Variants in SRRM2 observed in about 807,000 individuals in gnomAD.
SRRM2 encodes serine/arginine repetitive matrix protein 2.
SRRM2 carries 30 observed loss-of-function variants against 213.8 expected under a neutral mutation model. The observed-to-expected ratio is 0.14, with a 90% CI of 0.10 to 0.19. The LOEUF (loss-of-function observed/expected upper bound fraction) is 0.19. SRRM2 is among the 10% of genes least tolerant of loss of function. The pLI is 1.00. For missense variants in SRRM2, 4,904 were observed against 3,647.0 expected (o/e 1.34, Z -8.88); for synonymous variants, 2,025 against 1,377.7 (o/e 1.47, Z -10.40).
intron 13 of SRRM2, 66 bp from the exon 14 acceptor site, chr16:2,770,538 C>A (rs569388778): frequency 1.9e-6 from 3 of 1,554,772 alleles, no homozygotes; most frequent in Non-Finnish European, 2.6e-6. Flanking sequence ...GAAAGCTTTG[C>A]GGTTGTGGCT....
Position 2,766,095 on chromosome 16 carries a change from C to T in SRRM2, c.5567C>T (p.Thr1856Ile), listed in dbSNP as rs773878046. The change falls in exon 11 of 15, where the codon ACA becomes ATA. Residue 1856 changes from threonine (T) to isoleucine (I), a missense_variant. Coordinates refer to ENST00000301740, the MANE Select transcript of SRRM2 (RefSeq NM_016333.4). This position sits in a 1 kb window ranked among gnomAD's most constrained non-coding sequence, Gnocchi z 7.0. ...AGTCGGAAGCGTTCTCGCTCACGCACATCACCAGCCCCGTGGAAACGCTCT... is the reference window on the plus strand; with the variant it reads ...AGTCGGAAGCGTTCTCGCTCACGCATATCACCAGCCCCGTGGAAACGCTCT... ...PTSRKRSRSR[T>I]SPAPWKRSRS... 21 of 1,614,182 alleles carry T rather than the reference C, an allele frequency of 1.3e-5. No individual in the cohort carries two copies. The highest frequency in any genetic ancestry group is 4.4e-5 in the South Asian group (4 of 91,092).
At position 2,753,909 on chromosome 16, in the gene SRRM2, C is replaced by CAAA. The variant is rs143414078; in HGVS notation, c.-32+1063_-32+1064insAAA. Among the ~76,000 whole-genome samples the CAAA allele has an allele frequency of 8.8e-3, 1,342 of 152,236 alleles. 19 individuals are homozygous for CAAA. The highest frequency in any genetic ancestry group is 0.03 in the African/African-American group (1,243 of 41,530). On this transcript the variant is annotated intron_variant, in intron 1 of 14. Coordinates refer to ENST00000301740, the MANE Select transcript of SRRM2 (RefSeq NM_016333.4). ...GACAACCCTTGTCTCCCCTTTTTCT[C>CAAA]CCCTTTTGGTACCGTTTTCTTTTTT...
At position 2,770,435 on chromosome 16, in the gene SRRM2, C is replaced by A; in HGVS notation, c.8105C>A (p.Ser2702Ter). The A allele has an allele frequency of 6.2e-7, 1 of 1,610,194 alleles. No homozygotes were observed. The highest frequency in any genetic ancestry group is 8.5e-7 in the Non-Finnish European group (1 of 1,178,496). ...TCGCCTGTGGAGCGTCGCCGTCCCT[C>A]GCCCCAGCCCTCACCACGGGACCAG... ...SYSPVERRRP[S>*]PQPSPRDQQS... The change falls in exon 13 of 15, where the codon TCG becomes TAG. Residue 2702 changes from serine to a stop codon, truncating the protein, a stop_gained. Transcript: ENST00000301740. LOFTEE classifies it high-confidence loss of function.
rs772948423 is a variant in SRRM2, at chr16:2,757,777, C to CT, written c.351-3dup. On this transcript the variant is annotated splice_region_variant and splice_polypyrimidine_tract_variant and intron_variant, in intron 3 of 14. Transcript: ENST00000301740. ...CTTCAGACTTTTGCCCTTCTTTTCT[C>CT]TAGGGTCACGGAGACTCACCAGTTG... 2.5e-6 allele frequency: 4 copies of CT among 1,613,236 alleles called. No homozygotes were observed. The African/African-American group carries it at 5.3e-5, about 22-fold the overall frequency.
chr16:2,754,097 C>T (rs528425385), intron 1 of SRRM2, among the ~76,000 whole-genome samples: 7 of 152,250 alleles, frequency 4.6e-5, no homozygotes, highest in African/African-American at 1.2e-4. Flanking sequence ...ATGGCCCCCA[C>T]TTTAAGAGTT....
chr16:2,766,788 G>C lies in SRRM2; in HGVS notation c.6260G>C (p.Arg2087Pro), dbSNP rs200846532. 2 of 1,614,172 alleles carry C rather than the reference G, an allele frequency of 1.2e-6. No individual in the cohort carries two copies. Among genetic ancestry groups the C allele is most frequent in the Middle Eastern group, 3.3e-4 (2 of 6,062 alleles). The change falls in exon 11 of 15, where the codon CGT becomes CCT. Residue 2087 changes from arginine to proline, a missense_variant. Arg to Pro is a moderately radical substitution (Grantham distance 103, BLOSUM62 -2). Transcript: ENST00000301740. This position sits in a 1 kb window ranked among gnomAD's most constrained non-coding sequence, Gnocchi z 7.0. The stretch of plus-strand genomic sequence containing the variant: ...TCTGCATCTGGAAGTAGTTCTGATC[G>C]TTCACGATCTGCTACTCCTCCAGCA... Reference protein sequence around the residue: ...RRSASGSSSDRSRSATPPATR... With the variant: ...RRSASGSSSDPSRSATPPATR...
chr16:2,756,562 C>G lies in SRRM2; in HGVS notation c.198C>G (p.Val66=), dbSNP rs371298816. ...TGGACCACGAGCGCAAGCGGCGCGT[C>G]GAGCTGCGATGCCTCGAGCTGGAGG... is the stretch of plus-strand genomic sequence containing the variant. The part of the protein sequence containing the change: ...DILDHERKRR[V]ELRCLELEEM... The change falls in exon 2 of 15, where the codon GTC becomes GTG. Residue 66 remains valine (V), a synonymous_variant. Coordinates refer to ENST00000301740, the MANE Select transcript of SRRM2 (RefSeq NM_016333.4). The G allele has an allele frequency of 1.9e-6, 3 of 1,613,956 alleles. No individual in the cohort carries two copies. The highest frequency in any genetic ancestry group is 2.5e-6 in the Non-Finnish European group (3 of 1,179,954).
rs1264249287 is a variant in SRRM2 at position 2,763,876 on chromosome 16, A to G, written c.3348A>G (p.Gln1116=). The G allele has an allele frequency of 1.2e-6, 2 of 1,614,074 alleles. No individual in the cohort carries two copies. The highest frequency in any genetic ancestry group is 1.1e-5 in the South Asian group (1 of 91,084). ...TELASRSPIR[Q]DRGEFSASPM... ...TGGCATCCAGATCTCCAATAAGACA[A>G]GATAGAGGTGAGTTCTCAGCGAGTC... Residue 1116 remains glutamine (Q), a synonymous_variant, in exon 11 of 15, where the codon CAA becomes CAG. Transcript: ENST00000301740.
At chr16:2,770,179 G>A in intron 12 of SRRM2, 173 bp from the exon 13 acceptor site, 1 of 1,442,516 alleles carries the variant, frequency 6.9e-7, no homozygotes, top group Non-Finnish European at 9.1e-7. Context: ...CTGCCCACTG[G>A]GCACTCGGTG....
Position 2,760,284 on chromosome 16 carries a change from T to G in SRRM2, c.834-17T>G, listed in dbSNP as rs1429389483. On this transcript the variant is annotated splice_polypyrimidine_tract_variant and intron_variant, in intron 9 of 14. Coordinates refer to ENST00000301740, the MANE Select transcript of SRRM2 (RefSeq NM_016333.4). ...CTGATTTCCTTCCTCTCCCACGTCC[T>G]CAATTAACTCCTGCAGGTCTCGAAG... is the stretch of plus-strand genomic sequence containing the variant. The G allele has an allele frequency of 1.9e-6, 3 of 1,609,818 alleles. No homozygotes were observed. Among genetic ancestry groups the G allele is most frequent in the Admixed American group, 3.3e-5 (2 of 59,806 alleles).
At chr16:2,756,657 G>A (rs1252248712) in intron 2 of SRRM2, 51 bp downstream of exon 2, 1 of 1,559,502 alleles carries the variant, frequency 6.4e-7, no homozygotes, top group Non-Finnish European at 8.7e-7. Flanking sequence ...CAGAGCTGGG[G>A]GTGTTAGGTG....
chr16:2,753,191 G>A (rs1389922787), intron 1 of SRRM2, among the ~76,000 whole-genome samples: 1 of 151,066 alleles, frequency 6.6e-6, no homozygotes, highest in African/African-American at 2.4e-5. Context: ...TGCCGTTTTC[G>A]GCCCTTAAGT....
rs977625212 is a variant in SRRM2 at position 2,767,956 on chromosome 16, C to T, written c.7428C>T (p.Ser2476=). 5 of 1,614,066 alleles carry T rather than the reference C, an allele frequency of 3.1e-6. No individual in the cohort carries two copies. The highest frequency in any genetic ancestry group is 1.3e-5 in the African/African-American group (1 of 74,906). ...CTGTAGCAGGGTCTCAGTCCCTTTC[C>T]TCTGGGGCAGTGGCAACGACCACGT... The part of the protein sequence containing the change: ...TTPVAGSQSL[S]SGAVATTTSS... The change falls in exon 11 of 15, where the codon TCC becomes TCT. Residue 2476 remains serine (S), a synonymous_variant. Coordinates refer to ENST00000301740, the MANE Select transcript of SRRM2 (RefSeq NM_016333.4).
chr16:2,761,158 A>C lies in SRRM2; in HGVS notation c.1033-403A>C, dbSNP rs145354322. Among the ~76,000 whole-genome samples the C allele has an allele frequency of 7.6e-4, 115 of 152,274 alleles. 1 individual carries two copies. The highest frequency in any genetic ancestry group is 2.6e-3 in the African/African-American group (109 of 41,552). On this transcript the variant is annotated intron_variant, in intron 10 of 14. Coordinates refer to ENST00000301740, the MANE Select transcript of SRRM2 (RefSeq NM_016333.4). ...GGCTGCTTTTTTACTCTTCACACAAATCATGTTCTCACATCTTTATTCATG... is the reference window on the plus strand; with the variant it reads ...GGCTGCTTTTTTACTCTTCACACAACTCATGTTCTCACATCTTTATTCATG...
rs1596283177 is a variant in SRRM2, at chr16:2,764,726, C to G, written c.4198C>G (p.Gln1400Glu). 1.2e-6 allele frequency: 2 copies of G among 1,614,034 alleles called. No individual in the cohort carries two copies. The highest frequency in any genetic ancestry group is 2.2e-5 in the East Asian group (1 of 44,902). Residue 1400 changes from glutamine (Q) to glutamate (E), a missense_variant, in exon 11 of 15, where the codon CAG becomes GAG. Coordinates refer to ENST00000301740, the MANE Select transcript of SRRM2 (RefSeq NM_016333.4). ...GGAAAAGGCAGGGATGTCTTCAAAT[C>G]AGAGCATCTCTTCACCTGTGCTTGA... ...AVEKAGMSSN[Q>E]SISSPVLDAV...
rs1335688609 is a variant in SRRM2, at chr16:2,762,798, G to C, written c.2270G>C (p.Arg757Thr). 6.2e-7 allele frequency: 1 copy of C among 1,614,130 alleles called. No individual in the cohort carries two copies. Among genetic ancestry groups the C allele is most frequent in the South Asian group, 1.1e-5 (1 of 91,064 alleles). Reference protein sequence around the residue: ...PEMKKSRISSRRSRSLSSPRS... With the variant: ...PEMKKSRISSTRSRSLSSPRS... The stretch of plus-strand genomic sequence containing the variant: ...ATGAAGAAATCTCGCATTTCTTCAA[G>C]GCGGAGCAGGTCTCTCTCTTCACCA... The change falls in exon 11 of 15, where the codon AGG becomes ACG. Residue 757 changes from arginine (R) to threonine (T), a missense_variant. Transcript: ENST00000301740.
rs2068569197 is a variant in SRRM2 at position 2,766,990 on chromosome 16, C to G, written c.6462C>G (p.Gly2154=). Reference sequence around the variant, plus strand: ...TGTCTGTCCTGCAGCAAGCCGGCGGCTCCATGATGGATGGTCCAGGTCCCC... The same window carrying G: ...TGTCTGTCCTGCAGCAAGCCGGCGGGTCCATGATGGATGGTCCAGGTCCCC... ...TPMSVLQQAG[G]SMMDGPGPRI... The change falls in exon 11 of 15, where the codon GGC becomes GGG. Residue 2154 remains glycine (G), a synonymous_variant. Transcript: ENST00000301740. This position sits in a 1 kb window ranked among gnomAD's most constrained non-coding sequence, Gnocchi z 7.0. 2 of 1,614,074 alleles carry G rather than the reference C, an allele frequency of 1.2e-6. No homozygotes were observed. Among genetic ancestry groups the G allele is most frequent in the Non-Finnish European group, 1.7e-6 (2 of 1,180,058 alleles).
chr16:2,764,281 A>G lies in SRRM2; in HGVS notation c.3753A>G (p.Gln1251=), dbSNP rs1239910756. ...AGAAGTCTGAAGAACCCGCAGGCCA[A>G]ATCCTGTCTCATTTGTCTTCAGAAC... ...VVEKSEEPAG[Q]ILSHLSSELK... Residue 1251 remains glutamine (Q), a synonymous_variant, in exon 11 of 15, where the codon CAA becomes CAG. Coordinates refer to ENST00000301740, the MANE Select transcript of SRRM2 (RefSeq NM_016333.4). 3.1e-6 allele frequency: 5 copies of G among 1,613,974 alleles called. No individual in the cohort carries two copies. The highest frequency in any genetic ancestry group is 2.7e-5 in the African/African-American group (2 of 74,926).
At position 2,752,678 on chromosome 16, in the gene SRRM2, G is replaced by T; in HGVS notation, c.-200G>T. 3.4e-6 allele frequency: 1 copy of T among 292,420 alleles called. No individual in the cohort carries two copies. The highest frequency in any genetic ancestry group is 6.8e-6 in the Non-Finnish European group (1 of 148,052). The allele number at this position is 292,420 out of a possible 1,614,324, so 18.1% of individuals were successfully genotyped here. ...GCGGCCCAGGCGGGGTGCGAGTGGC[G>T]CAGTTGGAGCCCGTTGCGGCCCCTG... On this transcript the variant is annotated 5_prime_UTR_variant, in exon 1 of 15. Coordinates refer to ENST00000301740, the MANE Select transcript of SRRM2 (RefSeq NM_016333.4).
Sources: allele counts gnomAD v4.1 joint callset (sites outside exome capture counted in the v4.1 genomes callset), GRCh38; gene constraint gnomAD v4.1.1; non-coding constraint Gnocchi (gnomAD v3.1); transcripts MANE v1.5; gene names NCBI Gene and HGNC (gene_info 2026-07-23, HGNC 2026-07-21).